The following CNBD1 variants were observed in gnomAD, a reference collection of about 807,000 sequenced individuals.
CNBD1 encodes cyclic nucleotide binding domain containing 1.
A neutral mutation model predicts 54.4 loss-of-function variants in CNBD1; 71 were observed. That is an observed-to-expected ratio of 1.30 (90% CI 1.08 to 1.59). The LOEUF is 1.59. Among genes scored for constraint, CNBD1 ranks in the 40% most tolerant of loss-of-function variants. CNBD1 has a pLI of 0.00. For missense variants in CNBD1, 659 were observed against 518.0 expected, an observed-to-expected ratio of 1.27 and a Z score of -2.64; for synonymous variants, 182 against 170.7, an observed-to-expected ratio of 1.07 and a Z score of -0.51.
At chr8:86,968,474 T>G (rs1808143164) in intron 4 of CNBD1, among the ~76,000 whole-genome samples, 1 of 152,196 alleles carries the variant, frequency 6.6e-6, no homozygotes, top group African/African-American at 2.4e-5. Flanking sequence ...AATTTTACTT[T>G]GTAAATCAAA....
At chr8:87,328,611 T>G (rs1402963909) in intron 8 of CNBD1, among the ~76,000 whole-genome samples, 1 of 151,996 alleles carries the variant, frequency 6.6e-6, no homozygotes, top group African/African-American at 2.4e-5. Context: ...CCATATCAAT[T>G]TTAGGATTAT....
At chr8:87,051,857 T>C (rs1810318050) in intron 4 of CNBD1, among the ~76,000 whole-genome samples, 1 of 152,150 alleles carries the variant, frequency 6.6e-6, no homozygotes, top group Admixed American at 6.5e-5. Flanking sequence ...TGTGGCCAAT[T>C]TATGGCCAGA....
intron 4 of CNBD1, among the ~76,000 whole-genome samples, chr8:87,160,811 A>G (rs1812842705): frequency 6.6e-6 from 1 of 152,092 alleles, no homozygotes; most frequent in Non-Finnish European, 1.5e-5. Context: ...ACAGTGCCCC[A>G]TGCCAGTTAC....
At chr8:87,139,378 A>G (rs2130736643) in intron 4 of CNBD1, among the ~76,000 whole-genome samples, 1 of 152,272 alleles carries the variant, frequency 6.6e-6, no homozygotes, top group East Asian at 1.9e-4. Flanking sequence ...ACCTGTTTCT[A>G]TTTCTATTAC....
intron 4 of CNBD1, among the ~76,000 whole-genome samples, chr8:86,999,028 C>G (rs946533228): frequency 1.3e-5 from 2 of 152,214 alleles, no homozygotes; most frequent in African/African-American, 4.8e-5. Flanking sequence ...CAATTGTAAT[C>G]ACAAGAGCTA....
chr8:87,080,308 G>T (rs776583430), intron 4 of CNBD1, among the ~76,000 whole-genome samples: 6 of 152,114 alleles, frequency 3.9e-5, no homozygotes, highest in African/African-American at 7.2e-5. Context: ...TTAGGTCTGG[G>T]TATGGTGGCT....
intron 2 of CNBD1, among the ~76,000 whole-genome samples, chr8:87,413,438 G>A (rs1249851514): frequency 1.3e-5 from 2 of 151,982 alleles, no homozygotes; most frequent in South Asian, 4.1e-4. Flanking sequence ...TTAATACTAT[G>A]ACTCAATTAA....
chr8:87,134,344 A>G (rs1464658019), intron 4 of CNBD1, among the ~76,000 whole-genome samples: 1 of 152,014 alleles, frequency 6.6e-6, no homozygotes, highest in Non-Finnish European at 1.5e-5. Context: ...TAGGAAAAAA[A>G]CTTCCAGTTT....
At chr8:87,111,009 A>G (rs1252431585) in intron 4 of CNBD1, among the ~76,000 whole-genome samples, 2 of 152,164 alleles carry the variant, frequency 1.3e-5, no homozygotes, top group Non-Finnish European at 2.9e-5. Flanking sequence ...TCTGTATTTT[A>G]TATATTTTTT....
At chr8:87,190,886 C>T (rs1030298515) in intron 4 of CNBD1, among the ~76,000 whole-genome samples, 14 of 132,210 alleles carry the variant, frequency 1.1e-4, no homozygotes, top group Non-Finnish European at 1.7e-4. Flanking sequence ...GATACATGTA[C>T]GTATATCTAT....
intron 10 of CNBD1, among the ~76,000 whole-genome samples, chr8:87,372,297 G>T (rs2337039): frequency 0.019 from 2,874 of 152,000 alleles, 93 homozygotes; most frequent in African/African-American, 0.063. Flanking sequence ...TCTGTTTTTT[G>T]ATAATTTATG....
At chr8:87,059,816 G>A (rs1810505313) in intron 4 of CNBD1, among the ~76,000 whole-genome samples, 1 of 152,182 alleles carries the variant, frequency 6.6e-6, no homozygotes, top group East Asian at 1.9e-4. Flanking sequence ...GTGCACTGTT[G>A]GTGACCTCTA....
At chr8:86,883,425 A>C (rs1214249225) in intron 1 of CNBD1, among the ~76,000 whole-genome samples, 1 of 152,206 alleles carries the variant, frequency 6.6e-6, no homozygotes, top group African/African-American at 2.4e-5. Flanking sequence ...CAATGTGATC[A>C]TTGAAGACAT....
intron 2 of CNBD1, among the ~76,000 whole-genome samples, chr8:87,416,010 C>G (rs62528187): frequency 0.043 from 6,596 of 151,926 alleles, 187 homozygotes; most frequent in Non-Finnish European, 0.06. Flanking sequence ...CACACACATA[C>G]ACACACAAAA....
chr8:87,402,430 T>A (rs941480282), intron 2 of CNBD1, among the ~76,000 whole-genome samples: 1 of 152,060 alleles, frequency 6.6e-6, no homozygotes, highest in Non-Finnish European at 1.5e-5. Flanking sequence ...TTAATGTACA[T>A]CAATTAATTT....
intron 8 of CNBD1, among the ~76,000 whole-genome samples, chr8:87,317,382 T>C (rs777221933): frequency 2.2e-4 from 34 of 151,712 alleles, no homozygotes; most frequent in Non-Finnish European, 4.3e-4. Context: ...TATCTTTTTG[T>C]TTTCATCTCA....
intron 2 of CNBD1, among the ~76,000 whole-genome samples, chr8:87,394,263 T>A (rs1811370098): frequency 1.3e-5 from 2 of 151,812 alleles, no homozygotes; most frequent in African/African-American, 2.4e-5. Context: ...TTGCTAAATA[T>A]CAAGTAATTG....
chr8:87,328,497 C>T (rs1809741919), intron 8 of CNBD1, among the ~76,000 whole-genome samples: 1 of 151,468 alleles, frequency 6.6e-6, no homozygotes, highest in Admixed American at 6.6e-5. Context: ...TAGTAACATA[C>T]TGCTTTGATT....
chr8:86,902,473 G>T (rs1808953683), intron 2 of CNBD1, among the ~76,000 whole-genome samples: 1 of 152,024 alleles, frequency 6.6e-6, no homozygotes, highest in East Asian at 1.9e-4. Flanking sequence ...CTCCATGTGG[G>T]CATGCTCTTT....
Sources: gnomAD v4.1 joint callset for allele counts (sites outside exome capture counted in the v4.1 genomes callset) on GRCh38, gnomAD v4.1.1 for gene constraint, MANE v1.5 for transcripts, NCBI Gene and HGNC (gene_info 2026-07-23, HGNC 2026-07-21) for gene names.